THOC1: variants seen among roughly 807,000 people sequenced by gnomAD.
THOC1 encodes the protein THO complex subunit 1.
Under a neutral mutation model 97.3 loss-of-function variants are expected in THOC1, and 29 were observed. The observed-to-expected ratio is 0.30, with a 90% CI of 0.22 to 0.41. THOC1 has a LOEUF of 0.41. Ranked by LOEUF, THOC1 falls within the 10% of genes least tolerant of loss-of-function variation. The pLI is 1.00. For missense variants in THOC1, 529 were observed against 761.9 expected (o/e 0.69, Z 3.60); for synonymous variants, 255 against 257.0 (o/e 0.99, Z 0.07).
chr18:246,782 G>A (rs1320778859), intron 10 of THOC1, among the ~76,000 whole-genome samples: 1 of 151,940 alleles, frequency 6.6e-6, no homozygotes, highest in African/African-American at 2.4e-5. Flanking sequence ...TTTGAGACCA[G>A]CCTGGCCAAC....
chr18:258,220 C>A (rs553820640), intron 7 of THOC1, among the ~76,000 whole-genome samples: 7 of 151,692 alleles, frequency 4.6e-5, no homozygotes, highest in Admixed American at 2.6e-4. Context: ...GAGATGAAAT[C>A]CTGTATCTAG....
intron 9 of THOC1, 83 bp downstream of exon 9, chr18:252,456 C>G (rs573337903): frequency 1.2e-5 from 12 of 1,013,968 alleles, no homozygotes; most frequent in Admixed American, 6.5e-5. Context: ...TCCTCCTTGT[C>G]TATCTCCTCA....
chr18:220,040 C>CT (rs1911024000), intron 17 of THOC1, among the ~76,000 whole-genome samples: 1 of 152,154 alleles, frequency 6.6e-6, no homozygotes, highest in Non-Finnish European at 1.5e-5. Context: ...AAAATGGGCT[C>CT]TTTTAAGAAA....
At chr18:252,989 C>T (rs765218730) in intron 8 of THOC1, among the ~76,000 whole-genome samples, 6 of 152,122 alleles carry the variant, frequency 3.9e-5, no homozygotes, top group African/African-American at 1.2e-4. Flanking sequence ...AAAATAAATT[C>T]CAACCAACAT....
intron 9 of THOC1, among the ~76,000 whole-genome samples, chr18:248,609 C>G (rs989477745): frequency 6.6e-6 from 1 of 151,958 alleles, no homozygotes; most frequent in Admixed American, 6.5e-5. Context: ...TAAGAAGCAC[C>G]AGTATGAGAA....
At chr18:262,906 A>C (rs57883336) in intron 4 of THOC1, among the ~76,000 whole-genome samples, 59 of 152,292 alleles carry the variant, frequency 3.9e-4, no homozygotes, top group Non-Finnish European at 6.8e-4. Context: ...CTGATAAACT[A>C]ATTTTTTATT....
chr18:235,782 G>A (rs199666227), intron 11 of THOC1, among the ~76,000 whole-genome samples: 33 of 152,034 alleles, frequency 2.2e-4, no homozygotes, highest in Non-Finnish European at 4.1e-4. Flanking sequence ...GTCAAATTTT[G>A]TGAATGTTCC....
chr18:256,375 T>A (rs903246090), intron 7 of THOC1, among the ~76,000 whole-genome samples: 79 of 152,308 alleles, frequency 5.2e-4, no homozygotes, highest in African/African-American at 1.9e-3. Context: ...TTCGAGGGGT[T>A]CAAGACTTCA....
At chr18:221,734 A>G (rs552853183) in intron 17 of THOC1, among the ~76,000 whole-genome samples, 102 of 149,004 alleles carry the variant, frequency 6.8e-4, no homozygotes, top group African/African-American at 1.4e-3. Context: ...TCAGCCTCCC[A>G]AGTAGCTGAG....
chr18:255,324 T>C (rs1410675580), intron 7 of THOC1, among the ~76,000 whole-genome samples: 1 of 152,132 alleles, frequency 6.6e-6, no homozygotes, highest in Non-Finnish European at 1.5e-5. Context: ...GTTAGCCAAG[T>C]TGTGAATGCA....
chr18:254,305 T>C lies in THOC1; in HGVS notation c.571A>G (p.Thr191Ala). The C allele has an allele frequency of 4.4e-6, 7 of 1,584,292 alleles. No individual in the cohort carries two copies. Among genetic ancestry groups the C allele is most frequent in the Non-Finnish European group, 6.0e-6 (7 of 1,164,338 alleles). Reference protein sequence around the residue: ...FNLENVTVFNTNEQESTLGQK... With the variant: ...FNLENVTVFNANEQESTLGQK... ...CCCAGGGTGCTTTCCTGCTCATTTG[T>C]ATTGAAAACAGTGACATTTTCCAGA... is the stretch of plus-strand genomic sequence containing the variant. Residue 191 changes from threonine (T) to alanine (A), a missense_variant, in exon 8 of 21, where the codon ACA becomes GCA. Thr to Ala is a moderately conservative substitution (Grantham distance 58). Around this residue, in one of 8 missense-constraint regions of THOC1, gnomAD observed 92 missense variants for 127.0 expected, o/e 0.72. Coordinates refer to ENST00000261600, the MANE Select transcript of THOC1 (RefSeq NM_005131.3). The surrounding 1 kb of genome is among the most constrained non-coding windows in gnomAD (Gnocchi z 4.1).
chr18:260,211 T>A lies in THOC1; in HGVS notation c.350A>T (p.Glu117Val). The A allele has an allele frequency of 6.4e-7, 1 of 1,567,786 alleles. No individual in the cohort carries two copies. The highest frequency in any genetic ancestry group is 8.6e-7 in the Non-Finnish European group (1 of 1,159,886). ...TGATTTCCAAGTAGCAACATTTTTT[T>A]CCACAAAAGTGAATATTGTGTCACA... The part of the protein sequence containing the change: ...DQCDTIFTFV[E>V]KNVATWKSNT... Residue 117 changes from glutamate to valine, a missense_variant, in exon 5 of 21, where the codon GAA becomes GTA. By Grantham distance (121) the Glu-to-Val change is moderately radical. This residue lies in a region of THOC1 where 49 missense variants were observed against 91.7 expected (regional missense o/e 0.53). Transcript: ENST00000261600.
chr18:230,604 A>C (rs1911451322), intron 11 of THOC1, among the ~76,000 whole-genome samples: 1 of 152,264 alleles, frequency 6.6e-6, no homozygotes. Context: ...ACAGCTAGTT[A>C]GTGACACAGC....
At chr18:226,028 C>A (rs1911272885) in intron 12 of THOC1, 1 of 152,266 alleles carries the variant, frequency 6.6e-6, no homozygotes, top group Non-Finnish European at 1.5e-5. Context: ...TTAATTCAAA[C>A]CCACGTCTCA....
In THOC1 at chr18:214,845, C is replaced by T; in HGVS notation, c.1755G>A (p.Trp585Ter). 6.2e-7 allele frequency: 1 copy of T among 1,613,940 alleles called. No individual in the cohort carries two copies. Among genetic ancestry groups the T allele is most frequent in the Non-Finnish European group, 8.5e-7 (1 of 1,179,854 alleles). Reference protein sequence around the residue: ...EVFANKLGEQWKILAPYLEMK... With the variant: ...EVFANKLGEQ ...TTTCCAAGTAGGGAGCCAGAATCTT[C>T]CATTGTTCACCCAGCTTGTTGGCAA... The change falls in exon 21 of 21, where the codon TGG becomes TGA. Residue 585 changes from tryptophan (W) to a stop codon, truncating the protein, a stop_gained. Transcript: ENST00000261600. LOFTEE classifies it high-confidence loss of function.
At chr18:237,130 A>G (rs2143215911) in intron 11 of THOC1, among the ~76,000 whole-genome samples, 1 of 151,598 alleles carries the variant, frequency 6.6e-6, no homozygotes, top group South Asian at 2.1e-4. Context: ...AGATTTCTAG[A>G]AAAGTACTAA....
chr18:266,709 G>GT (rs1912780874), intron 1 of THOC1, among the ~76,000 whole-genome samples: 1 of 152,038 alleles, frequency 6.6e-6, no homozygotes, highest in East Asian at 1.9e-4. Context: ...GCTAATTTTC[G>GT]TATTTTTAGT....
chr18:265,597 G>A (rs1912742434), intron 1 of THOC1, 67 bp from the exon 2 acceptor site: 26 of 1,269,798 alleles, frequency 2.0e-5, no homozygotes, highest in Non-Finnish European at 2.4e-5. Flanking sequence ...AAAATATATC[G>A]TTCATTGATA....
chr18:265,560 G>A (rs1279312659), intron 1 of THOC1, 30 bp from the exon 2 acceptor site: 3 of 1,500,164 alleles, frequency 2.0e-6, no homozygotes, highest in Admixed American at 4.6e-5. Flanking sequence ...GCAAATAATT[G>A]TAAAGATTTT....
Sources: allele counts gnomAD v4.1 joint callset (sites outside exome capture counted in the v4.1 genomes callset), GRCh38; gene constraint gnomAD v4.1.1; regional missense constraint gnomAD v4.1.1; non-coding constraint Gnocchi (gnomAD v3.1); transcripts MANE v1.5; gene names NCBI Gene and HGNC (gene_info 2026-07-23, HGNC 2026-07-21).